RPRD1A: variants seen among roughly 807,000 people sequenced by gnomAD.
RPRD1A encodes the protein regulation of nuclear pre-mRNA domain containing 1A, also known as regulation of nuclear pre-mRNA domain-containing protein 1A.
Under a neutral mutation model 37.8 loss-of-function variants are expected in RPRD1A, and 9 were observed. That is an observed-to-expected ratio of 0.24 (90% confidence interval 0.14 to 0.42). RPRD1A has a LOEUF of 0.42. Among genes scored for constraint, RPRD1A ranks in the 10% least tolerant of loss-of-function variants. The pLI, the probability that RPRD1A is intolerant of heterozygous loss-of-function variation, is 1.00. For synonymous variants in RPRD1A, 138 were observed against 139.7 expected (o/e 0.99, Z 0.08); for missense variants, 255 against 371.0 (o/e 0.69, Z 2.57).
intron 1 of RPRD1A, among the ~76,000 whole-genome samples, chr18:36,036,153 A>G (rs1912180162): frequency 6.6e-6 from 1 of 152,094 alleles, no homozygotes; most frequent in Non-Finnish European, 1.5e-5. Context: ...GGCTCACTGC[A>G]GCCTCGACCT....
At chr18:35,996,977 CAAAAAAAAA>C (rs200694089) in intron 6 of RPRD1A, among the ~76,000 whole-genome samples, 1 of 55,612 alleles carries the variant, frequency 1.8e-5, no homozygotes. Context: ...GACCCTGTCT[CAAAAAAAAA>C]AAAAAAAAAA....
intron 6 of RPRD1A, among the ~76,000 whole-genome samples, chr18:35,999,585 G>T (rs900838854): frequency 5.3e-5 from 8 of 151,984 alleles, no homozygotes; most frequent in Admixed American, 5.2e-4. Context: ...TTACATGGCT[G>T]CCTTTTTCTT....
At chr18:36,054,862 G>GAA (rs140858556) in intron 1 of RPRD1A, among the ~76,000 whole-genome samples, 1 of 145,444 alleles carries the variant, frequency 6.9e-6, no homozygotes, top group African/African-American at 2.5e-5. Context: ...AAAAAAGAAA[G>GAA]AAAAAAAAAA....
chr18:36,008,850 A>G (rs1007928800), intron 6 of RPRD1A, among the ~76,000 whole-genome samples: 3 of 151,640 alleles, frequency 2.0e-5, no homozygotes, highest in African/African-American at 7.3e-5. Context: ...CACAGCCATT[A>G]TGGTTTTGAC....
chr18:36,017,022 A>C (rs768427208), intron 6 of RPRD1A, among the ~76,000 whole-genome samples: 2 of 151,782 alleles, frequency 1.3e-5, no homozygotes, highest in African/African-American at 4.8e-5. Flanking sequence ...AAAAAAAAAA[A>C]CTGCCAGGTG....
At chr18:36,008,577 G>GTATGTATGTATGTATGTATGTATA (rs1909946486) in intron 6 of RPRD1A, among the ~76,000 whole-genome samples, 1 of 47,802 alleles carries the variant, frequency 2.1e-5, no homozygotes, top group African/African-American at 6.8e-5. Flanking sequence ...CCTTGTGTGT[G>GTATGTATGTATGTATGTATGTATA]TATATATATA....
At chr18:35,994,467 T>C (rs1908902942) in intron 6 of RPRD1A, among the ~76,000 whole-genome samples, 1 of 152,166 alleles carries the variant, frequency 6.6e-6, no homozygotes, top group Admixed American at 6.5e-5. Flanking sequence ...ACTAAATGTT[T>C]AGAAAGAAAA....
At chr18:36,007,254 A>T (rs186052074) in intron 6 of RPRD1A, among the ~76,000 whole-genome samples, 1 of 152,174 alleles carries the variant, frequency 6.6e-6, no homozygotes, top group African/African-American at 2.4e-5. Context: ...AGGCTTTCAC[A>T]TATCAACTAG....
At chr18:36,035,990 A>C (rs1317274697) in intron 1 of RPRD1A, among the ~76,000 whole-genome samples, 1 of 152,200 alleles carries the variant, frequency 6.6e-6, no homozygotes, top group Non-Finnish European at 1.5e-5. Flanking sequence ...TGCAAAATGA[A>C]CAGTTCTGGA....
At chr18:36,019,499 A>G (rs1396920181) in intron 6 of RPRD1A, among the ~76,000 whole-genome samples, 1 of 152,172 alleles carries the variant, frequency 6.6e-6, no homozygotes, top group East Asian at 1.9e-4. Flanking sequence ...GAGAGGGAGC[A>G]GAAGATCATC....
intron 1 of RPRD1A, among the ~76,000 whole-genome samples, chr18:36,055,417 C>T (rs1913690272): frequency 6.6e-6 from 1 of 152,108 alleles, no homozygotes; most frequent in Non-Finnish European, 1.5e-5. Context: ...TTCTATTAGC[C>T]TGTACGAGAA....
intron 1 of RPRD1A, among the ~76,000 whole-genome samples, chr18:36,063,452 G>C (rs2088955682): frequency 6.6e-6 from 1 of 151,540 alleles, no homozygotes; most frequent in Non-Finnish European, 1.5e-5. Context: ...ACAGGCATGA[G>C]CCACAGTACC....
chr18:36,024,160 C>T (rs140596175), intron 6 of RPRD1A, among the ~76,000 whole-genome samples: 78 of 151,718 alleles, frequency 5.1e-4, no homozygotes, highest in East Asian at 7.8e-4. Context: ...TGCACGCGCA[C>T]GCGCGTGATG....
intron 1 of RPRD1A, among the ~76,000 whole-genome samples, chr18:36,056,395 C>T (rs1304591486): frequency 2.0e-5 from 3 of 151,970 alleles, no homozygotes; most frequent in Non-Finnish European, 2.9e-5. Context: ...TCAAGCGATT[C>T]TCCTGCCTCA....
intron 6 of RPRD1A, among the ~76,000 whole-genome samples, chr18:36,010,957 A>G (rs1910141056): frequency 6.6e-6 from 1 of 152,214 alleles, no homozygotes; most frequent in South Asian, 2.1e-4. Flanking sequence ...CTAGCAAAAC[A>G]AACACTTCCT....
chr18:36,034,045 C>T (rs926894539), intron 1 of RPRD1A, among the ~76,000 whole-genome samples: 2 of 151,986 alleles, frequency 1.3e-5, no homozygotes, highest in African/African-American at 4.8e-5. Context: ...AAATGCATCT[C>T]GGTGACTCTA....
chr18:36,015,155 C>CAA (rs1196956389), intron 6 of RPRD1A, among the ~76,000 whole-genome samples: 1 of 93,552 alleles, frequency 1.1e-5, no homozygotes, highest in Non-Finnish European at 2.4e-5. Flanking sequence ...CACACACACA[C>CAA]ACATATATAC....
At chr18:36,060,426 T>A (rs1298272067) in intron 1 of RPRD1A, among the ~76,000 whole-genome samples, 2 of 152,022 alleles carry the variant, frequency 1.3e-5, no homozygotes, top group Non-Finnish European at 1.5e-5. Context: ...AAAGCGAGAC[T>A]CTGTCTCAAA....
intron 6 of RPRD1A, among the ~76,000 whole-genome samples, chr18:36,021,701 TA>T (rs1911005872): frequency 6.6e-6 from 1 of 152,106 alleles, no homozygotes. Context: ...CGAAGGAAAC[TA>T]AAATCGCCAC....
Sources: gnomAD v4.1 joint callset for allele counts (sites outside exome capture counted in the v4.1 genomes callset) on GRCh38, gnomAD v4.1.1 for gene constraint, MANE v1.5 for transcripts, NCBI Gene and HGNC (gene_info 2026-07-23, HGNC 2026-07-21) for gene names.